SYN3: variants seen among roughly 807,000 people sequenced by gnomAD.
SYN3 encodes the protein synapsin III, also known as synapsin-3.
A neutral mutation model predicts 65.8 loss-of-function variants in SYN3; 35 were observed. The observed-to-expected ratio is 0.53, with a 90% CI of 0.41 to 0.70. The LOEUF (loss-of-function observed/expected upper bound fraction) is 0.70. Among genes scored for constraint, SYN3 ranks in the 30% least tolerant of loss-of-function variants. The pLI, the probability that SYN3 is intolerant of heterozygous loss-of-function variation, is 0.00. For synonymous variants in SYN3, 270 were observed against 292.9 expected, an observed-to-expected ratio of 0.92 and a Z score of 0.80; for missense variants, 680 against 749.0, an observed-to-expected ratio of 0.91 and a Z score of 1.08.
chr22:32,552,551 C>T lies in SYN3; in HGVS notation c.775-10838G>A, dbSNP rs1366283207. Among the ~76,000 whole-genome samples the T allele has an allele frequency of 4.0e-5, 6 of 148,660 alleles. No homozygotes were observed. In the East Asian group the frequency reaches 8.0e-4, roughly 20 times the overall value. ...AACAAGCAGGACTAAAGGAGAAAAA[C>T]AAAGATGAGGACATAAAATTGTACT... is the stretch of plus-strand genomic sequence containing the variant. On this transcript the variant is annotated intron_variant, in intron 7 of 13. Coordinates refer to ENST00000358763, the MANE Select transcript of SYN3 (RefSeq NM_003490.4).
chr22:32,722,371 C>T (rs895942375), intron 6 of SYN3, among the ~76,000 whole-genome samples: 3 of 151,950 alleles, frequency 2.0e-5, no homozygotes, highest in Admixed American at 6.6e-5. Context: ...ATTTGGAGAT[C>T]GAATCAAAGA....
chr22:32,634,486 G>GA (rs2059787902), intron 6 of SYN3, among the ~76,000 whole-genome samples: 3 of 152,318 alleles, frequency 2.0e-5, no homozygotes, highest in African/African-American at 7.2e-5. Context: ...CGGCATCCGT[G>GA]AAAAGGATTC....
At chr22:33,012,270 G>A (rs1032638209) in intron 1 of SYN3, among the ~76,000 whole-genome samples, 1 of 151,986 alleles carries the variant, frequency 6.6e-6, no homozygotes, top group Non-Finnish European at 1.5e-5. Flanking sequence ...TTTGACCCAT[G>A]TATTACTAAA....
At chr22:32,916,137 G>C (rs1285157148) in intron 4 of SYN3, among the ~76,000 whole-genome samples, 1 of 152,190 alleles carries the variant, frequency 6.6e-6, no homozygotes, top group African/African-American at 2.4e-5. Context: ...ATAGCCACGT[G>C]AAGGAGCACC....
intron 6 of SYN3, among the ~76,000 whole-genome samples, chr22:32,745,028 T>A (rs1011865479): frequency 6.6e-6 from 1 of 152,048 alleles, no homozygotes; most frequent in Non-Finnish European, 1.5e-5. Flanking sequence ...AATGTTAGGA[T>A]GGCTCTGTGA....
intron 6 of SYN3, among the ~76,000 whole-genome samples, chr22:32,674,292 T>C (rs2060411110): frequency 6.6e-6 from 1 of 152,080 alleles, no homozygotes; most frequent in South Asian, 2.1e-4. Flanking sequence ...GGAGTTGGAA[T>C]TGGGGTGGGG....
At chr22:32,937,032 C>G (rs1329858550) in intron 3 of SYN3, among the ~76,000 whole-genome samples, 1 of 152,162 alleles carries the variant, frequency 6.6e-6, no homozygotes, top group Non-Finnish European at 1.5e-5. Flanking sequence ...TCTAACAAAA[C>G]CCAGCACCCA....
At chr22:32,735,960 T>C (rs750344328) in intron 6 of SYN3, among the ~76,000 whole-genome samples, 35 of 152,172 alleles carry the variant, frequency 2.3e-4, no homozygotes, top group Non-Finnish European at 4.6e-4. Flanking sequence ...AGCAAGGGGC[T>C]CCTGCCCAGG....
intron 1 of SYN3, among the ~76,000 whole-genome samples, chr22:33,056,416 C>A (rs980464845): frequency 8.5e-5 from 13 of 152,228 alleles, no homozygotes; most frequent in Non-Finnish European, 1.6e-4. Context: ...CCATGTCCAG[C>A]TGCCAGAGTG....
intron 6 of SYN3, among the ~76,000 whole-genome samples, chr22:32,601,631 C>T (rs1015149798): frequency 4.6e-5 from 7 of 151,642 alleles, no homozygotes; most frequent in Non-Finnish European, 7.4e-5. Flanking sequence ...TTTAGAACCA[C>T]GTATGGGCTG....
At chr22:32,892,245 G>A (rs751370385) in intron 4 of SYN3, among the ~76,000 whole-genome samples, 16 of 152,122 alleles carry the variant, frequency 1.1e-4, no homozygotes, top group Non-Finnish European at 2.1e-4. Flanking sequence ...GCAGTGAGCT[G>A]AGATCACGCC....
chr22:32,786,999 C>A (rs1334904746), intron 6 of SYN3, among the ~76,000 whole-genome samples: 2 of 151,808 alleles, frequency 1.3e-5, no homozygotes, highest in Non-Finnish European at 2.9e-5. Flanking sequence ...TTAACCAAGT[C>A]TACCCATACT....
chr22:32,607,201 T>C (rs2059384654), intron 6 of SYN3, among the ~76,000 whole-genome samples: 1 of 152,134 alleles, frequency 6.6e-6, no homozygotes. Flanking sequence ...TGTTGAGGAA[T>C]GTCTGACTCC....
chr22:32,688,897 G>T (rs1054322581), intron 6 of SYN3, among the ~76,000 whole-genome samples: 50 of 152,228 alleles, frequency 3.3e-4, no homozygotes, highest in African/African-American at 1.1e-3. Context: ...GGGGCCTGGG[G>T]GTGAGCAAAG....
At chr22:32,662,044 G>A (rs1348783418) in intron 6 of SYN3, among the ~76,000 whole-genome samples, 1 of 152,080 alleles carries the variant, frequency 6.6e-6, no homozygotes, top group Non-Finnish European at 1.5e-5. Context: ...ACCAGTCTAG[G>A]GAGTCTGTTT....
At chr22:32,572,888 C>T (rs1246227736) in intron 7 of SYN3, among the ~76,000 whole-genome samples, 2 of 152,294 alleles carry the variant, frequency 1.3e-5, no homozygotes, top group Non-Finnish European at 1.5e-5. Flanking sequence ...GTTGCCACTG[C>T]GGGTGTTTGT....
intron 3 of SYN3, among the ~76,000 whole-genome samples, chr22:32,964,672 C>G (rs193298163): frequency 1.3e-5 from 2 of 152,222 alleles, no homozygotes; most frequent in Admixed American, 1.3e-4. Flanking sequence ...AGCCTTACAC[C>G]TCAGGAGTTG....
At chr22:33,025,625 C>T (rs1371052176) in intron 1 of SYN3, among the ~76,000 whole-genome samples, 2 of 109,984 alleles carry the variant, frequency 1.8e-5, no homozygotes, top group East Asian at 4.2e-4. Context: ...CAGAGCAACA[C>T]TCCGTCTGGA....
chr22:32,692,276 C>A (rs2060675146), intron 6 of SYN3, among the ~76,000 whole-genome samples: 1 of 151,668 alleles, frequency 6.6e-6, no homozygotes, highest in Admixed American at 6.6e-5. Flanking sequence ...TTAGAAACTG[C>A]TGCAAACAAC....
Sources: gnomAD v4.1 joint callset for allele counts (sites outside exome capture counted in the v4.1 genomes callset) on GRCh38, gnomAD v4.1.1 for gene constraint, MANE v1.5 for transcripts, NCBI Gene and HGNC (gene_info 2026-07-23, HGNC 2026-07-21) for gene names.